Variants in CLIC5 observed in about 807,000 individuals in gnomAD.
CLIC5 encodes CLIC family member 5, also known as chloride intracellular channel protein 5.
Under a neutral mutation model 24.7 loss-of-function variants are expected in CLIC5, and 20 were observed. That is an observed-to-expected ratio of 0.81 (90% CI 0.57 to 1.18). The LOEUF is 1.18. Ranked by LOEUF, CLIC5 falls within the 50% of genes most tolerant of loss-of-function variation. The probability of loss-of-function intolerance (pLI) is 0.00; values close to 1 mark genes in which losing one functional copy is unlikely to be tolerated. For missense variants in CLIC5, 341 were observed against 326.1 expected, an observed-to-expected ratio of 1.05 and a Z score of -0.35; for synonymous variants, 159 against 135.6, an observed-to-expected ratio of 1.17 and a Z score of -1.20.
intron 4 of CLIC5, among the ~76,000 whole-genome samples, chr6:45,916,347 T>G (rs1259853813): frequency 6.6e-6 from 1 of 152,204 alleles, no homozygotes; most frequent in Non-Finnish European, 1.5e-5. Flanking sequence ...GCAAGGCTAT[T>G]CAAAGGCAAT....
At position 45,900,371 on chromosome 6, in the gene CLIC5, G is replaced by T. The variant is rs1276038170; in HGVS notation, c.*2717C>A. 6.6e-6 allele frequency: 1 copy of T among 152,080 alleles called. No individual in the cohort carries two copies. Among genetic ancestry groups the T allele is most frequent in the Non-Finnish European group, 1.5e-5 (1 of 68,038 alleles). 9.4% of individuals were successfully genotyped at this position (152,080 alleles called of 1,614,324 possible). A position where few individuals can be genotyped will look rare whatever the true frequency, so the allele number is the denominator to read the frequency against. On this transcript the variant is annotated 3_prime_UTR_variant, in exon 6 of 6. Transcript: ENST00000339561. ...AAAGGAAGCCTCCTACCCTATAGCT[G>T]TATAGTTGTGGGGTCCCAACTGCAG...
intron 3 of CLIC5, among the ~76,000 whole-genome samples, chr6:45,946,448 TTAAAAAA>T (rs1764291548): frequency 6.6e-6 from 1 of 152,178 alleles, no homozygotes; most frequent in African/African-American, 2.4e-5. Context: ...GTTTTCTCCT[TTAAAAAA>T]TAAAGCTAAG....
the CLIC5 span, among the ~76,000 whole-genome samples, chr6:46,094,429 A>G: frequency 6.6e-6 from 1 of 152,208 alleles, no homozygotes; most frequent in East Asian, 1.9e-4. Context: ...ATAAAAAACA[A>G]GTTAGTTACT....
At chr6:46,010,817 T>G (rs1310210717) in intron 1 of CLIC5, among the ~76,000 whole-genome samples, 1 of 152,186 alleles carries the variant, frequency 6.6e-6, no homozygotes, top group Non-Finnish European at 1.5e-5. Context: ...GTGTATTGCG[T>G]TATTGACTAC....
At chr6:45,928,226 C>T (rs1763577810) in intron 4 of CLIC5, among the ~76,000 whole-genome samples, 1 of 152,158 alleles carries the variant, frequency 6.6e-6, no homozygotes, top group Admixed American at 6.5e-5. Context: ...GATTTAATCC[C>T]TGGTTTTAGT....
chr6:45,925,447 G>A (rs1228630339), intron 4 of CLIC5, among the ~76,000 whole-genome samples: 1 of 151,792 alleles, frequency 6.6e-6, no homozygotes, highest in East Asian at 1.9e-4. Context: ...CTCCCAAGTA[G>A]CTGGGACTAC....
chr6:46,004,002 G>C (rs1209365873), intron 1 of CLIC5, among the ~76,000 whole-genome samples: 1 of 152,142 alleles, frequency 6.6e-6, no homozygotes, highest in Non-Finnish European at 1.5e-5. Context: ...ACCCAAAAAT[G>C]CTTCAAAAAA....
At position 45,884,109 on chromosome 6, in the gene CLIC5, C is replaced by A. The variant is rs150986321; in HGVS notation, c.624-2921G>T. ...GACTGGTTCAGAAGCTCAGTGATGC[C>A]TCCAGGGGCCTGGGCTCCTTCCATC... is the stretch of plus-strand genomic sequence containing the variant. On this transcript the variant is annotated intron_variant, in intron 6 of 6. Coordinates refer to the CLIC5 transcript ENST00000644324. Among the ~76,000 whole-genome samples, 221 of 152,270 alleles carry A rather than the reference C, an allele frequency of 1.5e-3. 1 individual carries two copies. Among genetic ancestry groups the A allele is most frequent in the African/African-American group, 5.1e-3 (212 of 41,542 alleles).
the CLIC5 span, among the ~76,000 whole-genome samples, chr6:46,122,413 T>C: frequency 6.6e-6 from 1 of 152,294 alleles, no homozygotes; most frequent in African/African-American, 2.4e-5. Flanking sequence ...CCAGAATCTC[T>C]GGGACACATT....
At chr6:46,044,120 A>T (rs1403582691) in intron 1 of CLIC5, among the ~76,000 whole-genome samples, 1 of 152,090 alleles carries the variant, frequency 6.6e-6, no homozygotes, top group Non-Finnish European at 1.5e-5. Flanking sequence ...CACAGTAGTC[A>T]CCCATGAGGG....
chr6:46,040,761 TA>T (rs1400440992), intron 1 of CLIC5, among the ~76,000 whole-genome samples: 2 of 152,022 alleles, frequency 1.3e-5, no homozygotes, highest in African/African-American at 2.4e-5. Context: ...GTGGTTTTTT[TA>T]AAAAAAGCTA....
intron 1 of CLIC5, among the ~76,000 whole-genome samples, chr6:45,984,883 C>G (rs951528958): frequency 2.0e-5 from 3 of 152,188 alleles, no homozygotes; most frequent in Non-Finnish European, 4.4e-5. Flanking sequence ...TCGAGCAGCT[C>G]TATGCCTGGA....
rs545969504 is a variant in CLIC5 at position 46,010,469 on chromosome 6, C to T, written c.63+5011G>A. 2.0e-5 allele frequency among the ~76,000 whole-genome samples: 3 copies of T among 152,320 alleles called. No homozygotes were observed. In the East Asian group the frequency reaches 5.8e-4, roughly 29 times the overall value. On this transcript the variant is annotated intron_variant, in intron 1 of 5. Transcript: ENST00000339561. ...GCCTGACACCAAAGTTTCACTCTTC[C>T]ACCACATCTCTTGCCACCACTAACA...
chr6:46,018,540 C>T (rs1767085131), upstream of CLIC5, among the ~76,000 whole-genome samples: 1 of 152,164 alleles, frequency 6.6e-6, no homozygotes, highest in African/African-American at 2.4e-5. Flanking sequence ...TGCATATTTT[C>T]CATTTTCAAT....
chr6:45,890,806 G>A (rs1762341379), intron 6 of CLIC5, among the ~76,000 whole-genome samples: 1 of 152,198 alleles, frequency 6.6e-6, no homozygotes, highest in East Asian at 1.9e-4. Context: ...ATTATGTTAA[G>A]TGAAATAAGC....
intron 1 of CLIC5, among the ~76,000 whole-genome samples, chr6:46,011,178 C>T (rs1166553072): frequency 6.6e-6 from 1 of 152,236 alleles, no homozygotes; most frequent in Admixed American, 6.5e-5. Context: ...ACCCTATACA[C>T]GATTGTTCTG....
At chr6:45,961,925 C>G (rs1764855880) in intron 1 of CLIC5, among the ~76,000 whole-genome samples, 2 of 152,156 alleles carry the variant, frequency 1.3e-5, no homozygotes, top group South Asian at 4.2e-4. Context: ...GCTTAATTAG[C>G]TCTATGTAGA....
At chr6:45,881,979 T>TAA (rs5875939) in intron 6 of CLIC5, among the ~76,000 whole-genome samples, 8 of 148,288 alleles carry the variant, frequency 5.4e-5, no homozygotes, top group African/African-American at 2.0e-4. Flanking sequence ...AGACTTCCTT[T>TAA]AAAAAAAAAA....
At chr6:46,116,635 G>A in the CLIC5 span, among the ~76,000 whole-genome samples, 1 of 152,276 alleles carries the variant, frequency 6.6e-6, no homozygotes, top group African/African-American at 2.4e-5. Context: ...GAACAATAGG[G>A]TAAGGCCAAG....
Sources: gnomAD v4.1 joint callset for allele counts (sites outside exome capture counted in the v4.1 genomes callset) on GRCh38, gnomAD v4.1.1 for gene constraint, MANE v1.5 for transcripts, NCBI Gene and HGNC (gene_info 2026-07-23, HGNC 2026-07-21) for gene names.